The following CLVS2 variants were observed in gnomAD, a reference collection of about 807,000 sequenced individuals.
CLVS2 encodes the protein clavesin-2.
A neutral mutation model predicts 29.0 loss-of-function variants in CLVS2; 19 were observed. That is an observed-to-expected ratio of 0.66 (90% CI 0.46 to 0.96). The LOEUF is 0.96. Ranked by LOEUF, CLVS2 falls within the 40% of genes least tolerant of loss-of-function variation. The probability of loss-of-function intolerance (pLI) is 0.00; values close to 1 mark genes in which losing one functional copy is unlikely to be tolerated. For missense variants in CLVS2, 294 were observed against 404.1 expected (o/e 0.73, Z 2.34); for synonymous variants, 161 against 151.3 (o/e 1.06, Z -0.47).
intron 3 of CLVS2, among the ~76,000 whole-genome samples, chr6:123,020,971 A>G (rs1774911050): frequency 6.7e-6 from 1 of 148,596 alleles, no homozygotes; most frequent in Non-Finnish European, 1.5e-5. Flanking sequence ...AAATCTTAGA[A>G]CTCTTTTCTC....
At chr6:123,001,884 T>A (rs1403936711) in intron 2 of CLVS2, among the ~76,000 whole-genome samples, 1 of 152,196 alleles carries the variant, frequency 6.6e-6, no homozygotes, top group East Asian at 1.9e-4. Flanking sequence ...TTGTTGGAGA[T>A]ATTCATGAGT....
intron 5 of CLVS2, among the ~76,000 whole-genome samples, chr6:123,057,713 C>T (rs1019006298): frequency 6.6e-6 from 1 of 152,130 alleles, no homozygotes; most frequent in African/African-American, 2.4e-5. Context: ...GATTTCCTCT[C>T]TCCAGGCTGC....
At chr6:123,003,574 TTAA>T (rs1774621531) in intron 2 of CLVS2, among the ~76,000 whole-genome samples, 1 of 110,252 alleles carries the variant, frequency 9.1e-6, no homozygotes, top group Non-Finnish European at 1.8e-5. Context: ...TTTGGTCAAA[TTAA>T]TTGAAAAAAA....
At chr6:123,004,950 C>CA (rs61607272) in intron 2 of CLVS2, among the ~76,000 whole-genome samples, 120 of 148,566 alleles carry the variant, frequency 8.1e-4, no homozygotes, top group Middle Eastern at 3.5e-3. Flanking sequence ...AAACAAAAAA[C>CA]AAAAAAAAAA....
intron 3 of CLVS2, among the ~76,000 whole-genome samples, chr6:123,020,634 A>G (rs1053400001): frequency 1.3e-5 from 2 of 152,100 alleles, no homozygotes; most frequent in Non-Finnish European, 2.9e-5. Context: ...AGGATTCACC[A>G]TATTATCAAG....
intron 4 of CLVS2, among the ~76,000 whole-genome samples, chr6:123,052,080 T>C (rs964535338): frequency 2.1e-5 from 3 of 143,092 alleles, no homozygotes; most frequent in African/African-American, 7.5e-5. Context: ...AGCATTATAC[T>C]TAATGAATTG....
rs1199865661 is a variant in CLVS2 at position 123,064,418 on chromosome 6, T to A, written c.*657T>A. Reference sequence around the variant, plus strand: ...TCTTGGAATCTTGTGAAAAGATGTGTTTCCTCAATTAAGACGTAGAAATGT... The same window carrying A: ...TCTTGGAATCTTGTGAAAAGATGTGATTCCTCAATTAAGACGTAGAAATGT... On this transcript the variant is annotated 3_prime_UTR_variant, in exon 6 of 6. Transcript: ENST00000275162. 2 of 152,008 alleles carry A rather than the reference T, an allele frequency of 1.3e-5. No homozygotes were observed. Among genetic ancestry groups the A allele is most frequent in the South Asian group, 2.1e-4 (1 of 4,836 alleles). 9.4% of individuals were successfully genotyped at this position (152,008 alleles called of 1,614,324 possible).
chr6:123,052,516 G>A (rs150954327), intron 4 of CLVS2, among the ~76,000 whole-genome samples: 6 of 152,326 alleles, frequency 3.9e-5, no homozygotes, highest in African/African-American at 1.4e-4. Flanking sequence ...AGAATAGAGT[G>A]TAGGTGGAAG....
At chr6:123,041,402 G>A (rs1341827789) in intron 3 of CLVS2, among the ~76,000 whole-genome samples, 1 of 151,966 alleles carries the variant, frequency 6.6e-6, no homozygotes, top group Non-Finnish European at 1.5e-5. Context: ...AAGAATCCAT[G>A]GCAGATTTTC....
chr6:123,023,004 G>A (rs532405176), intron 3 of CLVS2, among the ~76,000 whole-genome samples: 1 of 152,146 alleles, frequency 6.6e-6, no homozygotes, highest in Non-Finnish European at 1.5e-5. Context: ...ACATAATTTA[G>A]TTAGGGAAAG....
At chr6:123,020,945 C>T (rs531833523) in intron 3 of CLVS2, among the ~76,000 whole-genome samples, 4 of 151,710 alleles carry the variant, frequency 2.6e-5, no homozygotes, top group Non-Finnish European at 4.4e-5. Context: ...AGCTCTTGCT[C>T]GAATTTCATT....
At chr6:123,047,471 CA>C (rs1184962191) in intron 3 of CLVS2, among the ~76,000 whole-genome samples, 1 of 152,002 alleles carries the variant, frequency 6.6e-6, no homozygotes, top group Non-Finnish European at 1.5e-5. Context: ...AGTTGCTTCG[CA>C]AAATGAAATT....
At position 123,065,668 on chromosome 6, in the gene CLVS2, C is replaced by G. The variant is rs1439863930; in HGVS notation, c.*1907C>G. ...TTGATATTCTTACATTCTTGCCTACCTGACATACATTTTGTAGCCATGGGC... is the reference window on the plus strand; with the variant it reads ...TTGATATTCTTACATTCTTGCCTACGTGACATACATTTTGTAGCCATGGGC... On this transcript the variant is annotated 3_prime_UTR_variant, in exon 6 of 6. Transcript: ENST00000275162. 6.6e-6 allele frequency: 1 copy of G among 151,782 alleles called. No homozygotes were observed. The highest frequency in any genetic ancestry group is 1.5e-5 in the Non-Finnish European group (1 of 67,794). The allele number at this position is 151,782 out of a possible 1,614,324, so 9.4% of individuals were successfully genotyped here. A position where few individuals can be genotyped will look rare whatever the true frequency, so the allele number is the denominator to read the frequency against.
At chr6:123,032,785 A>G (rs1350232333) in intron 3 of CLVS2, among the ~76,000 whole-genome samples, 1 of 152,070 alleles carries the variant, frequency 6.6e-6, no homozygotes, top group Non-Finnish European at 1.5e-5. Context: ...AAACTTTGGT[A>G]GGGTCCATGC....
intron 2 of CLVS2, among the ~76,000 whole-genome samples, chr6:123,007,917 T>G (rs1043676181): frequency 6.6e-6 from 1 of 152,200 alleles, no homozygotes; most frequent in African/African-American, 2.4e-5. Context: ...TTCATTGTAG[T>G]GACCTCTAAT....
chr6:122,999,674 A>G (rs980531068), intron 2 of CLVS2, among the ~76,000 whole-genome samples: 12 of 152,186 alleles, frequency 7.9e-5, no homozygotes, highest in Non-Finnish European at 1.8e-4. Flanking sequence ...GAAAAATTTT[A>G]TTCAAGGAAA....
chr6:123,022,242 T>C lies in CLVS2; in HGVS notation c.564+11083T>C, dbSNP rs965158225. 2.6e-5 allele frequency among the ~76,000 whole-genome samples: 4 copies of C among 152,122 alleles called. No homozygotes were observed. The East Asian group carries it at 5.8e-4, about 22-fold the overall frequency. On this transcript the variant is annotated intron_variant, in intron 3 of 5. Transcript: ENST00000275162. Reference sequence around the variant, plus strand: ...AGAGCCACATGTACATTTTATCTTCTAAAATTTTATCAAACTGTCTGATTT... The same window carrying C: ...AGAGCCACATGTACATTTTATCTTCCAAAATTTTATCAAACTGTCTGATTT...
rs1289204019 is a variant in CLVS2 at position 123,068,184 on chromosome 6, C to T, written c.*4423C>T. 1 of 150,932 alleles carries T rather than the reference C, an allele frequency of 6.6e-6. No homozygotes were observed. Among genetic ancestry groups the T allele is most frequent in the Non-Finnish European group, 1.5e-5 (1 of 67,552 alleles). The allele number at this position is 150,932 out of a possible 1,614,324, so 9.3% of individuals were successfully genotyped here. A position where few individuals can be genotyped will look rare whatever the true frequency, so the allele number is the denominator to read the frequency against. On this transcript the variant is annotated 3_prime_UTR_variant, in exon 6 of 6. Coordinates refer to ENST00000275162, the MANE Select transcript of CLVS2 (RefSeq NM_001010852.4). ...TGTGGATTGAAACACTCAAATTAGCCTTTTTTTCAAGGAAGCAGGTGTACA... is the reference window on the plus strand; with the variant it reads ...TGTGGATTGAAACACTCAAATTAGCTTTTTTTTCAAGGAAGCAGGTGTACA...
At chr6:123,036,570 C>G (rs1246273848) in intron 3 of CLVS2, among the ~76,000 whole-genome samples, 1 of 152,140 alleles carries the variant, frequency 6.6e-6, no homozygotes, top group East Asian at 1.9e-4. Flanking sequence ...TTAAATAAAA[C>G]TAACAGGTAA....
Sources: gnomAD v4.1 joint callset for allele counts (sites outside exome capture counted in the v4.1 genomes callset) on GRCh38, gnomAD v4.1.1 for gene constraint, MANE v1.5 for transcripts, NCBI Gene and HGNC (gene_info 2026-07-23, HGNC 2026-07-21) for gene names.